The following LUZP2 variants were observed in gnomAD, a reference collection of about 807,000 sequenced individuals.
The protein encoded by LUZP2 is leucine zipper protein 2.
In LUZP2, 52 loss-of-function variants were observed where a neutral mutation model predicts 51.6. That is an observed-to-expected ratio of 1.01 (90% CI 0.81 to 1.27). LUZP2 has a LOEUF of 1.27. LUZP2 is among the 50% of genes most tolerant of loss of function. The probability of loss-of-function intolerance (pLI) is 0.00; values close to 1 mark genes in which losing one functional copy is unlikely to be tolerated. For missense variants in LUZP2, 436 were observed against 395.4 expected (o/e 1.10, Z -0.87); for synonymous variants, 154 against 137.3 (o/e 1.12, Z -0.85).
intron 7 of LUZP2, among the ~76,000 whole-genome samples, chr11:24,957,545 T>A (rs994086957): frequency 7.2e-5 from 11 of 152,088 alleles, no homozygotes; most frequent in Non-Finnish European, 1.2e-4. Context: ...ACCGTCCAAC[T>A]CTCTGCTTTG....
chr11:24,597,231 T>G (rs1419764703), intron 1 of LUZP2, among the ~76,000 whole-genome samples: 1 of 152,208 alleles, frequency 6.6e-6, no homozygotes, highest in Non-Finnish European at 1.5e-5. Context: ...TTTAAAATTT[T>G]AGTTATTAGC....
intron 5 of LUZP2, among the ~76,000 whole-genome samples, chr11:24,858,079 T>A (rs1370718090): frequency 6.6e-6 from 1 of 152,120 alleles, no homozygotes; most frequent in Admixed American, 6.5e-5. Context: ...TGGCATCGAA[T>A]GACTAGAATT....
intron 5 of LUZP2, among the ~76,000 whole-genome samples, chr11:24,898,109 A>G (rs1853143178): frequency 6.6e-6 from 1 of 152,202 alleles, no homozygotes; most frequent in Non-Finnish European, 1.5e-5. Flanking sequence ...TGTATTTTCA[A>G]AATTGTACAA....
intron 5 of LUZP2, among the ~76,000 whole-genome samples, chr11:24,776,440 C>T (rs1848929059): frequency 6.6e-6 from 1 of 152,138 alleles, no homozygotes; most frequent in Admixed American, 6.5e-5. Context: ...ACTCAAAACA[C>T]AGATTTCCCA....
At chr11:24,960,604 AT>A (rs1443734590) in intron 7 of LUZP2, among the ~76,000 whole-genome samples, 1 of 151,852 alleles carries the variant, frequency 6.6e-6, no homozygotes. Flanking sequence ...CCCCTTTATC[AT>A]TTTTTATTGT....
intron 7 of LUZP2, among the ~76,000 whole-genome samples, chr11:24,964,920 A>T (rs936670285): frequency 1.3e-5 from 2 of 151,868 alleles, no homozygotes; most frequent in South Asian, 2.1e-4. Context: ...GAAGACAAAC[A>T]TGTTTTATTT....
chr11:24,699,605 T>G (rs368299098), intron 1 of LUZP2, among the ~76,000 whole-genome samples: 38 of 151,730 alleles, frequency 2.5e-4, no homozygotes, highest in African/African-American at 8.9e-4. Context: ...GATGGAAATG[T>G]GACGGTAGAT....
At chr11:24,506,295 G>A (rs779538351) in intron 1 of LUZP2, among the ~76,000 whole-genome samples, 8 of 152,010 alleles carry the variant, frequency 5.3e-5, no homozygotes, top group Non-Finnish European at 7.4e-5. Context: ...TAATGCTTGC[G>A]GTCATTTATT....
intron 9 of LUZP2, among the ~76,000 whole-genome samples, chr11:25,033,466 G>A (rs948400760): frequency 1.3e-5 from 2 of 152,128 alleles, no homozygotes; most frequent in Admixed American, 6.6e-5. Flanking sequence ...ACATGTGTAC[G>A]TTTGTTACAT....
At chr11:24,801,950 T>C (rs1179783984) in intron 5 of LUZP2, among the ~76,000 whole-genome samples, 7 of 151,944 alleles carry the variant, frequency 4.6e-5, no homozygotes, top group East Asian at 3.9e-4. Flanking sequence ...AATATATGTA[T>C]GTACAAAGAG....
intron 9 of LUZP2, among the ~76,000 whole-genome samples, chr11:25,002,031 T>C (rs1039859341): frequency 6.6e-6 from 1 of 152,130 alleles, no homozygotes. Context: ...TTAATGGGGG[T>C]TCCCCCAGAG....
chr11:24,629,566 A>ATATATATG (rs1192858617), intron 1 of LUZP2, among the ~76,000 whole-genome samples: 1 of 147,568 alleles, frequency 6.8e-6, no homozygotes, highest in African/African-American at 2.5e-5. Flanking sequence ...ATATATATAT[A>ATATATATG]TACCATATTT....
chr11:24,716,107 TAAAAATA>T (rs996657340), intron 1 of LUZP2, among the ~76,000 whole-genome samples: 4 of 152,166 alleles, frequency 2.6e-5, no homozygotes, highest in African/African-American at 9.6e-5. Flanking sequence ...AGATATTGTT[TAAAAATA>T]AAAAATAAAA....
intron 9 of LUZP2, among the ~76,000 whole-genome samples, chr11:25,017,242 T>C (rs12292789): frequency 0.085 from 12,908 of 152,162 alleles, 1,773 homozygotes; most frequent in African/African-American, 0.29. Flanking sequence ...CTGATGATGA[T>C]TTATTTTTCT....
At chr11:24,920,909 G>A (rs572184998) in intron 7 of LUZP2, among the ~76,000 whole-genome samples, 1 of 152,096 alleles carries the variant, frequency 6.6e-6, no homozygotes, top group East Asian at 1.9e-4. Context: ...ATATATTCAT[G>A]TAACAAAATT....
chr11:24,660,199 C>T (rs1056869531), intron 1 of LUZP2, among the ~76,000 whole-genome samples: 4 of 152,110 alleles, frequency 2.6e-5, no homozygotes, highest in Non-Finnish European at 4.4e-5. Flanking sequence ...TGAAGGCAAT[C>T]TTGTAAACAT....
At chr11:24,538,295 T>C (rs979679997) in intron 1 of LUZP2, among the ~76,000 whole-genome samples, 3 of 151,922 alleles carry the variant, frequency 2.0e-5, no homozygotes, top group Non-Finnish European at 2.9e-5. Flanking sequence ...TATCACACTA[T>C]ATTAAAAATT....
At chr11:24,953,569 A>T (rs553810311) in intron 7 of LUZP2, among the ~76,000 whole-genome samples, 1 of 152,034 alleles carries the variant, frequency 6.6e-6, no homozygotes, top group Non-Finnish European at 1.5e-5. Flanking sequence ...AAGCTCCTAA[A>T]GGAACACTTC....
chr11:24,674,751 T>C (rs1157559877), intron 1 of LUZP2, among the ~76,000 whole-genome samples: 1 of 152,144 alleles, frequency 6.6e-6, no homozygotes, highest in East Asian at 1.9e-4. Context: ...TCTTTGTTTC[T>C]CCTTCTTCCC....
Sources: gnomAD v4.1 joint callset for allele counts (sites outside exome capture counted in the v4.1 genomes callset) on GRCh38, gnomAD v4.1.1 for gene constraint, MANE v1.5 for transcripts, NCBI Gene and HGNC (gene_info 2026-07-23, HGNC 2026-07-21) for gene names.